Variants in CNTNAP2 observed in about 807,000 individuals in gnomAD.
CNTNAP2 encodes the protein contactin-associated protein-like 2.
A neutral mutation model predicts 155.2 loss-of-function variants in CNTNAP2; 98 were observed. The observed-to-expected ratio is 0.63, with a 90% CI of 0.54 to 0.75. The LOEUF is 0.75. CNTNAP2 is among the 30% of genes least tolerant of loss of function. The pLI, the probability that CNTNAP2 is intolerant of heterozygous loss-of-function variation, is 0.00. For synonymous variants in CNTNAP2, 651 were observed against 631.2 expected (o/e 1.03, Z -0.47); for missense variants, 1,727 against 1,688.1 (o/e 1.02, Z -0.40).
intron 3 of CNTNAP2, among the ~76,000 whole-genome samples, chr7:146,990,843 C>A (rs1798196020): frequency 1.3e-5 from 2 of 151,992 alleles, no homozygotes; most frequent in Non-Finnish European, 2.9e-5. Flanking sequence ...TTTGAAGTCA[C>A]CACACAGTTT....
chr7:147,875,915 A>T (rs1000360142), intron 13 of CNTNAP2, among the ~76,000 whole-genome samples: 2 of 152,180 alleles, frequency 1.3e-5, no homozygotes, highest in Admixed American at 1.3e-4. Flanking sequence ...TTCAGTGAAT[A>T]AAATATTTGA....
intron 12 of CNTNAP2, among the ~76,000 whole-genome samples, chr7:147,601,749 A>C (rs554714903): frequency 1.3e-5 from 2 of 150,720 alleles, no homozygotes; most frequent in South Asian, 2.1e-4. Context: ...CAGTGTTTAC[A>C]TTTCCCTAAT....
intron 1 of CNTNAP2, among the ~76,000 whole-genome samples, chr7:146,694,020 A>G (rs1800742573): frequency 6.6e-6 from 1 of 152,200 alleles, no homozygotes; most frequent in Non-Finnish European, 1.5e-5. Context: ...ATTAAAAAAA[A>G]TCATTTCACA....
At chr7:148,252,865 A>C (rs1796388145) in intron 20 of CNTNAP2, among the ~76,000 whole-genome samples, 2 of 152,102 alleles carry the variant, frequency 1.3e-5, no homozygotes, top group African/African-American at 4.8e-5. Context: ...ACAGGGTCCA[A>C]GCTTGCTGGC....
intron 20 of CNTNAP2, among the ~76,000 whole-genome samples, chr7:148,256,049 T>C (rs1448596385): frequency 1.3e-5 from 2 of 152,026 alleles, no homozygotes; most frequent in African/African-American, 2.4e-5. Context: ...AAATTGACAA[T>C]CTTATGGCTG....
intron 13 of CNTNAP2, among the ~76,000 whole-genome samples, chr7:147,767,584 ATAGGGCT>A: frequency 6.6e-6 from 1 of 152,188 alleles, no homozygotes; most frequent in South Asian, 2.1e-4. Context: ...ATTATTGTTT[ATAGGGCT>A]GTGTTCTATG....
At chr7:147,449,038 A>G (rs1186300697) in intron 10 of CNTNAP2, among the ~76,000 whole-genome samples, 1 of 152,208 alleles carries the variant, frequency 6.6e-6, no homozygotes, top group Admixed American at 6.5e-5. Flanking sequence ...AACCAGAAAT[A>G]TCTTTAACCA....
intron 1 of CNTNAP2, among the ~76,000 whole-genome samples, chr7:146,282,164 G>A (rs752747934): frequency 6.6e-6 from 1 of 152,132 alleles, no homozygotes; most frequent in Non-Finnish European, 1.5e-5. Flanking sequence ...GTGAACACAC[G>A]CCAATTGTGT....
intron 1 of CNTNAP2, among the ~76,000 whole-genome samples, chr7:146,380,795 T>C (rs1239537186): frequency 1.7e-4 from 17 of 101,742 alleles, no homozygotes; most frequent in African/African-American, 9.2e-4. Context: ...TTTTTTTTTT[T>C]TTTTTTTTTT....
chr7:148,408,719 C>T (rs10223987), intron 22 of CNTNAP2, among the ~76,000 whole-genome samples: 87,510 of 152,080 alleles, frequency 0.58, 25,876 homozygotes, highest in African/African-American at 0.66. Context: ...GATAGTCTGC[C>T]GACTTGCAGA....
At chr7:147,477,473 C>T (rs778942409) in intron 10 of CNTNAP2, among the ~76,000 whole-genome samples, 1 of 152,110 alleles carries the variant, frequency 6.6e-6, no homozygotes, top group Non-Finnish European at 1.5e-5. Context: ...CTACTTGGAG[C>T]ATTAAAATAG....
intron 21 of CNTNAP2, among the ~76,000 whole-genome samples, chr7:148,295,995 C>T (rs1797277687): frequency 6.6e-6 from 1 of 152,184 alleles, no homozygotes; most frequent in Non-Finnish European, 1.5e-5. Context: ...ATAACTCTTA[C>T]AGCTGGTATA....
intron 8 of CNTNAP2, among the ~76,000 whole-genome samples, chr7:147,225,826 AGAAGGAAGGAAGGAGGGAAAGAAG>A (rs1803518803): frequency 8.3e-6 from 1 of 120,622 alleles, no homozygotes; most frequent in African/African-American, 2.9e-5. Flanking sequence ...AAAGAAGGAA[AGAAGGAAGGAAGGAGGGAAAGAAG>A]GAAGGAGGGA....
intron 14 of CNTNAP2, among the ~76,000 whole-genome samples, chr7:147,949,434 C>CTGTG (rs1554453464): frequency 7.9e-5 from 9 of 113,364 alleles, no homozygotes; most frequent in African/African-American, 1.4e-4. Flanking sequence ...CAAGGATCAA[C>CTGTG]TGTGTGTATA....
rs192321681 is a variant in CNTNAP2 at position 147,373,452 on chromosome 7, T to C, written c.1499-22157T>C. On this transcript the variant is annotated intron_variant, in intron 9 of 23. Transcript: ENST00000361727. ...ACCTACAGCTTTGAACTTTCTGAAG[T>C]AATATTTTCATACTTTTTACTTCAA... Among the ~76,000 whole-genome samples the C allele has an allele frequency of 2.1e-3, 323 of 152,262 alleles. 4 individuals are homozygous for C. The highest frequency in any genetic ancestry group is 0.019 in the Admixed American group (283 of 15,258).
At chr7:147,311,055 G>A (rs1050403458) in intron 9 of CNTNAP2, among the ~76,000 whole-genome samples, 14 of 152,164 alleles carry the variant, frequency 9.2e-5, no homozygotes, top group African/African-American at 3.4e-4. Context: ...CAGGTATCAA[G>A]GATGATGAGA....
intron 1 of CNTNAP2, among the ~76,000 whole-genome samples, chr7:146,728,168 G>A (rs1461400700): frequency 3.3e-5 from 5 of 152,064 alleles, no homozygotes; most frequent in Admixed American, 3.3e-4. Context: ...AGATGAATAC[G>A]ATTTAGTTGT....
intron 3 of CNTNAP2, among the ~76,000 whole-genome samples, chr7:146,980,061 T>C (rs1797984366): frequency 6.6e-6 from 1 of 152,126 alleles, no homozygotes; most frequent in Non-Finnish European, 1.5e-5. Flanking sequence ...TTCCATTAGA[T>C]TTGAAGTCAT....
chr7:146,166,532 A>G (rs1393545524), intron 1 of CNTNAP2, among the ~76,000 whole-genome samples: 2 of 152,212 alleles, frequency 1.3e-5, no homozygotes, highest in Non-Finnish European at 2.9e-5. Flanking sequence ...TACTAACTTC[A>G]TGAACTTACT....
Sources: gnomAD v4.1 joint callset for allele counts (sites outside exome capture counted in the v4.1 genomes callset) on GRCh38, gnomAD v4.1.1 for gene constraint, MANE v1.5 for transcripts, NCBI Gene and HGNC (gene_info 2026-07-23, HGNC 2026-07-21) for gene names.